PAK3: variants seen among roughly 807,000 people sequenced by gnomAD.
The protein encoded by PAK3 is p21 (RAC1) activated kinase 3.
PAK3 carries 4 observed loss-of-function variants against 41.0 expected under a neutral mutation model. The ratio of observed to expected loss-of-function variants is 0.10; its 90% CI spans 0.05 to 0.22. The LOEUF is 0.22. Among genes scored for constraint, PAK3 ranks in the 10% least tolerant of loss-of-function variants. The pLI is 1.00. For synonymous variants in PAK3, 146 were observed against 139.6 expected (o/e 1.05, Z -0.32); for missense variants, 205 against 409.9 (o/e 0.50, Z 4.32).
At chrX:111,219,974 C>T (rs1474004720) in intron 17 of PAK3, among the ~76,000 whole-genome samples, 2 of 111,685 alleles carry the variant, frequency 1.8e-5, no homozygotes, top group African/African-American at 3.3e-5. Context: ...GAGGCACAGC[C>T]GTTGGGTTTA....
intron 6 of PAK3, among the ~76,000 whole-genome samples, chrX:111,146,199 T>A (rs2093942143): frequency 8.9e-6 from 1 of 112,239 alleles, no homozygotes; most frequent in African/African-American, 3.2e-5. Context: ...GCCTCCAAAT[T>A]CATGTTTCTG....
intron 1 of PAK3, among the ~76,000 whole-genome samples, chrX:110,950,543 A>T (rs191742089): frequency 9.0e-6 from 1 of 111,697 alleles, no homozygotes; most frequent in East Asian, 2.8e-4. Flanking sequence ...CCCCGCATGC[A>T]TTAGGGATTT....
At chrX:110,969,047 C>T (rs1401292837) in intron 1 of PAK3, among the ~76,000 whole-genome samples, 1 of 104,255 alleles carries the variant, frequency 9.6e-6, no homozygotes, top group Non-Finnish European at 1.9e-5. Context: ...CGTGCCTCAG[C>T]CTCCTGAGTA....
chrX:111,142,717 AAAAC>A (rs768477626), intron 6 of PAK3, among the ~76,000 whole-genome samples: 1 of 111,723 alleles, frequency 9.0e-6, no homozygotes, highest in Admixed American at 9.5e-5. Flanking sequence ...AGATTTTCAA[AAAAC>A]AAACCTTATA....
intron 4 of PAK3, 87 bp downstream of exon 4, chrX:111,103,393 ACT>A (rs1321064093): frequency 9.0e-6 from 1 of 111,630 alleles, no homozygotes; most frequent in Non-Finnish European, 1.9e-5. Flanking sequence ...AATATCAAAG[ACT>A]CTGCCTAGAC....
chrX:111,128,779 A>G (rs1042384767), intron 5 of PAK3, among the ~76,000 whole-genome samples: 1 of 112,311 alleles, frequency 8.9e-6, no homozygotes, highest in Non-Finnish European at 1.9e-5. Context: ...GCCACTCATA[A>G]GGAAAGAAAG....
At chrX:110,998,660 A>G (rs1384708283) in intron 1 of PAK3, among the ~76,000 whole-genome samples, 1 of 112,158 alleles carries the variant, frequency 8.9e-6, no homozygotes, top group African/African-American at 3.2e-5. Flanking sequence ...TATTCAAATG[A>G]AAAGATCCAC....
chrX:110,971,262 A>G (rs752373578), intron 1 of PAK3, among the ~76,000 whole-genome samples: 1 of 112,115 alleles, frequency 8.9e-6, no homozygotes, highest in Non-Finnish European at 1.9e-5. Context: ...TTCCCCGGCC[A>G]TAAACAACCA....
At chrX:111,211,547 G>A (rs919649397) in intron 16 of PAK3, among the ~76,000 whole-genome samples, 1 of 108,402 alleles carries the variant, frequency 9.2e-6, no homozygotes, top group African/African-American at 3.4e-5. Flanking sequence ...ATGGTGGTGG[G>A]CGCCTGTAAT....
At chrX:110,972,856 G>C (rs1233817851) in intron 1 of PAK3, among the ~76,000 whole-genome samples, 2 of 111,460 alleles carry the variant, frequency 1.8e-5, no homozygotes, top group African/African-American at 3.3e-5. Flanking sequence ...AAACAGTGTA[G>C]AGAAGACCTC....
At chrX:110,985,486 T>C (rs1345461385) in intron 1 of PAK3, among the ~76,000 whole-genome samples, 1 of 112,468 alleles carries the variant, frequency 8.9e-6, no homozygotes, top group African/African-American at 3.2e-5. Context: ...AGTGAATAAA[T>C]AAGTGAACAG....
intron 10 of PAK3, among the ~76,000 whole-genome samples, chrX:111,170,411 A>G (rs764265725): frequency 7.2e-5 from 8 of 111,290 alleles, no homozygotes; most frequent in Non-Finnish European, 1.5e-4. Context: ...GAAATGTTTA[A>G]CTGATTATTT....
intron 1 of PAK3, among the ~76,000 whole-genome samples, chrX:111,020,709 G>A (rs1165275735): frequency 1.8e-5 from 2 of 111,886 alleles, no homozygotes; most frequent in Admixed American, 9.4e-5. Context: ...TCAAAAACCT[G>A]TGTCTGTTTG....
At chrX:111,216,690 A>T in intron 17 of PAK3, 132 bp downstream of exon 17, 1 of 587,427 alleles carries the variant, frequency 1.7e-6, no homozygotes, top group Non-Finnish European at 2.9e-6. Flanking sequence ...CCACAGGCAC[A>T]TAACTATAGG....
chrX:111,147,249 C>T (rs1406791777), intron 6 of PAK3, among the ~76,000 whole-genome samples: 1 of 111,894 alleles, frequency 8.9e-6, no homozygotes. Flanking sequence ...CAAAGTATAA[C>T]CTGACCAAGG....
intron 16 of PAK3, among the ~76,000 whole-genome samples, chrX:111,215,741 G>A (rs935804177): frequency 8.9e-6 from 1 of 111,977 alleles, no homozygotes; most frequent in African/African-American, 3.2e-5. Context: ...ATTGGCAGGT[G>A]CCAAGACTAC....
chrX:111,097,209 T>C (rs1387813099), intron 1 of PAK3, among the ~76,000 whole-genome samples, 181 bp from the exon 2 acceptor site: 1 of 105,657 alleles, frequency 9.5e-6, no homozygotes, highest in Non-Finnish European at 1.9e-5. Flanking sequence ...TCTGGCAAGA[T>C]TACTGCCGCA....
At chrX:110,964,341 A>G (rs1360810001) in intron 1 of PAK3, among the ~76,000 whole-genome samples, 2 of 112,290 alleles carry the variant, frequency 1.8e-5, no homozygotes, top group African/African-American at 6.5e-5. Context: ...TCGTGTATGA[A>G]TCACCAGGAG....
At chrX:111,029,347 C>T (rs747676297) in intron 1 of PAK3, among the ~76,000 whole-genome samples, 3 of 111,076 alleles carry the variant, frequency 2.7e-5, no homozygotes, top group Non-Finnish European at 5.7e-5. Context: ...TTGCCAAGCC[C>T]CCACACAGTA....
Sources: gnomAD v4.1 joint callset for allele counts (sites outside exome capture counted in the v4.1 genomes callset) on GRCh38, gnomAD v4.1.1 for gene constraint, MANE v1.5 for transcripts, NCBI Gene and HGNC (gene_info 2026-07-23, HGNC 2026-07-21) for gene names.